SLC5A11: variants seen among roughly 807,000 people sequenced by gnomAD.
SLC5A11 encodes the protein solute carrier family 5 member 11, also known as sodium/myo-inositol cotransporter 2.
A neutral mutation model predicts 69.8 loss-of-function variants in SLC5A11; 48 were observed. The observed-to-expected ratio is 0.69, with a 90% CI of 0.55 to 0.87. SLC5A11 has a LOEUF of 0.87. Among genes scored for constraint, SLC5A11 ranks in the 40% least tolerant of loss-of-function variants. The pLI, the probability that SLC5A11 is intolerant of heterozygous loss-of-function variation, is 0.00. For synonymous variants in SLC5A11, 319 were observed against 342.4 expected, an observed-to-expected ratio of 0.93 and a Z score of 0.75; for missense variants, 784 against 866.1, an observed-to-expected ratio of 0.91 and a Z score of 1.19.
intron 10 of SLC5A11, among the ~76,000 whole-genome samples, chr16:24,903,727 T>A (rs2049817803): frequency 6.6e-6 from 1 of 152,234 alleles, no homozygotes; most frequent in African/African-American, 2.4e-5. Context: ...CCACTCTGTA[T>A]GTATATGTAC....
intron 3 of SLC5A11, among the ~76,000 whole-genome samples, chr16:24,869,628 C>A (rs1359723568): frequency 6.6e-6 from 1 of 152,208 alleles, no homozygotes; most frequent in African/African-American, 2.4e-5. Context: ...AAGCTGTGCA[C>A]TGCACAACCC....
intron 1 of SLC5A11, among the ~76,000 whole-genome samples, chr16:24,851,548 A>C (rs192869939): frequency 6.8e-4 from 103 of 151,956 alleles, no homozygotes; most frequent in African/African-American, 1.8e-3. Flanking sequence ...TCATCTCAAA[A>C]AAAACAAAAC....
At chr16:24,869,014 T>C (rs893306544) in intron 3 of SLC5A11, among the ~76,000 whole-genome samples, 4 of 151,976 alleles carry the variant, frequency 2.6e-5, no homozygotes, top group African/African-American at 7.3e-5. Context: ...ATTATAGGCA[T>C]GTGTCACCAC....
At chr16:24,850,268 C>T (rs2059243592) in intron 1 of SLC5A11, among the ~76,000 whole-genome samples, 2 of 152,200 alleles carry the variant, frequency 1.3e-5, no homozygotes, top group Non-Finnish European at 2.9e-5. Context: ...TCTTTTTGGC[C>T]TTTTTGTAGA....
chr16:24,888,420 T>A (rs2048527317), intron 8 of SLC5A11, among the ~76,000 whole-genome samples: 1 of 150,298 alleles, frequency 6.7e-6, no homozygotes, highest in South Asian at 2.1e-4. Flanking sequence ...CCCAATTTAG[T>A]GATTTAGAAA....
intron 1 of SLC5A11, among the ~76,000 whole-genome samples, chr16:24,850,555 G>A (rs1268612487): frequency 6.6e-6 from 1 of 152,134 alleles, no homozygotes; most frequent in Non-Finnish European, 1.5e-5. Context: ...GATGAGACCC[G>A]TGCCAGTCCT....
chr16:24,849,572 C>CAAAAAAAAAAAAAAAAA (rs1182615959), intron 1 of SLC5A11, among the ~76,000 whole-genome samples: 2 of 38,480 alleles, frequency 5.2e-5, no homozygotes, highest in African/African-American at 1.2e-4. Context: ...GCCTTGGGGG[C>CAAAAAAAAAAAAAAAAA]AAAAAAAAAA....
chr16:24,858,938 G>T (rs988408496), intron 2 of SLC5A11, among the ~76,000 whole-genome samples, 160 bp downstream of exon 3: 2 of 152,154 alleles, frequency 1.3e-5, no homozygotes, highest in African/African-American at 4.8e-5. Context: ...TTTTAAACAT[G>T]CATTGGGTGT....
intron 1 of SLC5A11, 139 bp from the exon 3 acceptor site, chr16:24,858,481 C>A: frequency 1.7e-6 from 1 of 586,044 alleles, no homozygotes; most frequent in Non-Finnish European, 2.8e-6. Flanking sequence ...ATGGATCTGT[C>A]TTCCCTGAAG....
At chr16:24,875,533 G>A in intron 5 of SLC5A11, 94 bp from the exon 7 acceptor site, 1 of 934,606 alleles carries the variant, frequency 1.1e-6, no homozygotes, top group Non-Finnish European at 1.7e-6. Context: ...GCTCTGAGTT[G>A]CGGGGGCAGG....
chr16:24,901,418 C>T (rs1202240402), intron 10 of SLC5A11, among the ~76,000 whole-genome samples: 1 of 151,904 alleles, frequency 6.6e-6, no homozygotes, highest in East Asian at 1.9e-4. Flanking sequence ...AGTTTGAGAC[C>T]AGCCTGGGCA....
At position 24,863,537 on chromosome 16, in the gene SLC5A11, G is replaced by A. The variant is rs182464597; in HGVS notation, c.207+865G>A. Among the ~76,000 whole-genome samples the A allele has an allele frequency of 2.2e-3, 335 of 151,962 alleles. 1 individual carries two copies. The highest frequency in any genetic ancestry group is 0.02 in the Middle Eastern group (6 of 294). On this transcript the variant is annotated intron_variant, in intron 3 of 15. Transcript: ENST00000347898. Reference sequence around the variant, plus strand: ...GTTGGTTAAAGTAAATTACAGGCCCGCACAGTTTCTGTATGGGCCATGTGG... The same window carrying A: ...GTTGGTTAAAGTAAATTACAGGCCCACACAGTTTCTGTATGGGCCATGTGG...
At chr16:24,878,577 A>G (rs764417076) in intron 7 of SLC5A11, among the ~76,000 whole-genome samples, 3 of 152,182 alleles carry the variant, frequency 2.0e-5, no homozygotes, top group Non-Finnish European at 4.4e-5. Flanking sequence ...CCTTGTATCT[A>G]TATATCATGT....
chr16:24,887,965 T>C (rs2048494572), intron 8 of SLC5A11, among the ~76,000 whole-genome samples: 1 of 152,156 alleles, frequency 6.6e-6, no homozygotes, highest in Admixed American at 6.6e-5. Flanking sequence ...AAGCAGAAGC[T>C]GTTATAGGTT....
At chr16:24,889,225 G>C (rs921813169) in intron 8 of SLC5A11, among the ~76,000 whole-genome samples, 2 of 152,278 alleles carry the variant, frequency 1.3e-5, no homozygotes, top group Non-Finnish European at 2.9e-5. Flanking sequence ...GCTCATGCCT[G>C]TAATCCTAGA....
chr16:24,910,182 T>C, intron 14 of SLC5A11, 124 bp from the exon 16 acceptor site: 1 of 674,140 alleles, frequency 1.5e-6, no homozygotes. Context: ...GGTGGGAGGG[T>C]GGGGCTGGGA....
intron 5 of SLC5A11, among the ~76,000 whole-genome samples, chr16:24,872,602 G>C (rs1399183658): frequency 6.6e-6 from 1 of 151,996 alleles, no homozygotes; most frequent in African/African-American, 2.4e-5. Context: ...GAATGCAGTG[G>C]TGCAATCTTG....
At chr16:24,866,041 T>C (rs2046897642) in intron 3 of SLC5A11, among the ~76,000 whole-genome samples, 1 of 148,944 alleles carries the variant, frequency 6.7e-6, no homozygotes, top group Non-Finnish European at 1.5e-5. Context: ...TTTTAGAAAA[T>C]AGTAACAGAA....
At chr16:24,902,841 C>T (rs887019760) in intron 10 of SLC5A11, among the ~76,000 whole-genome samples, 6 of 152,176 alleles carry the variant, frequency 3.9e-5, no homozygotes, top group African/African-American at 1.4e-4. Flanking sequence ...GTCCAGCCAA[C>T]AGTCATTATT....
Sources: allele counts gnomAD v4.1 joint callset (sites outside exome capture counted in the v4.1 genomes callset), GRCh38; gene constraint gnomAD v4.1.1; transcripts MANE v1.5; gene names NCBI Gene and HGNC (gene_info 2026-07-23, HGNC 2026-07-21).